The following LTN1 variants were observed in gnomAD, a reference collection of about 807,000 sequenced individuals.
LTN1 encodes listerin E3 ubiquitin protein ligase 1.
LTN1 carries 88 observed loss-of-function variants against 201.2 expected under a neutral mutation model. The observed-to-expected ratio is 0.44, with a 90% CI of 0.37 to 0.52. The LOEUF is 0.52. Ranked by LOEUF, LTN1 falls within the 20% of genes least tolerant of loss-of-function variation. LTN1 has a pLI of 0.00. For missense variants in LTN1, 1,752 were observed against 2,038.7 expected (o/e 0.86, Z 2.71); for synonymous variants, 645 against 713.5 (o/e 0.90, Z 1.53).
chr21:28,937,834 C>T (rs2084268063), intron 25 of LTN1, among the ~76,000 whole-genome samples: 1 of 152,084 alleles, frequency 6.6e-6, no homozygotes, highest in Admixed American at 6.5e-5. Context: ...ATCAGAAACA[C>T]TACTGGTCCC....
intron 4 of LTN1, among the ~76,000 whole-genome samples, chr21:28,984,099 A>T (rs2084678728): frequency 6.6e-6 from 1 of 152,210 alleles, no homozygotes; most frequent in African/African-American, 2.4e-5. Flanking sequence ...CATTATAAAA[A>T]ATTTTAATGT....
rs538029865 is a variant in LTN1, at chr21:28,992,797, C to T, written c.9G>A (p.Gly3=). Residue 3 remains glycine (G), a synonymous_variant, in exon 1 of 30, where the codon GGG becomes GGA. Coordinates refer to ENST00000361371, the MANE Select transcript of LTN1 (RefSeq NM_015565.3). MG[G]KNKQRTKGNL... is the part of the protein sequence containing the mutation. ...TCCCTTTAGTTCGCTGCTTGTTCTT[C>T]CCGCCCATGGTCGCGGTTGCAGCTG... The T allele has an allele frequency of 1.2e-6, 2 of 1,614,274 alleles. No individual in the cohort carries two copies. Among genetic ancestry groups the T allele is most frequent in the Middle Eastern group, 1.6e-4 (1 of 6,062 alleles).
At chr21:28,941,069 C>T in intron 25 of LTN1, 151 bp downstream of exon 25, 1 of 597,558 alleles carries the variant, frequency 1.7e-6, no homozygotes, top group South Asian at 2.3e-5. Context: ...AGAGTGAGAC[C>T]CTGTCTCAAA....
intron 26 of LTN1, 34 bp downstream of exon 26, chr21:28,936,492 T>C (rs1444267834): frequency 6.5e-7 from 1 of 1,548,026 alleles, no homozygotes; most frequent in Non-Finnish European, 8.8e-7. Flanking sequence ...GAATCTAGTG[T>C]CCAAGAAAGA....
intron 24 of LTN1, 135 bp from the exon 25 acceptor site, chr21:28,941,541 T>C (rs1396673670): frequency 4.7e-6 from 3 of 631,650 alleles, no homozygotes; most frequent in South Asian, 2.2e-5. Context: ...TTCCCCTCTA[T>C]TGAGCCAATT....
chr21:28,947,889 T>TA (rs1277318584), intron 18 of LTN1, among the ~76,000 whole-genome samples: 1 of 123,026 alleles, frequency 8.1e-6, no homozygotes, highest in Non-Finnish European at 1.9e-5. Flanking sequence ...ATGTCCTCTT[T>TA]TAAAAAAAAA....
chr21:28,954,645 T>G (rs1443787989), intron 16 of LTN1, among the ~76,000 whole-genome samples: 1 of 152,162 alleles, frequency 6.6e-6, no homozygotes, highest in African/African-American at 2.4e-5. Flanking sequence ...TGCAGGCAAT[T>G]GACAAAGTCT....
chr21:28,958,642 C>T (rs2084447354), intron 13 of LTN1, 103 bp from the exon 14 acceptor site: 1 of 844,034 alleles, frequency 1.2e-6, no homozygotes, highest in South Asian at 2.1e-5. Context: ...TTTTTAAATA[C>T]CATTTAAAAA....
chr21:28,952,602 A>G (rs889924247), intron 17 of LTN1, among the ~76,000 whole-genome samples: 1 of 152,228 alleles, frequency 6.6e-6, no homozygotes, highest in Non-Finnish European at 1.5e-5. Context: ...ACACCTAGGC[A>G]GGCTTAAGTT....
intron 26 of LTN1, among the ~76,000 whole-genome samples, chr21:28,936,251 T>C (rs1242801208): frequency 6.6e-6 from 1 of 152,262 alleles, no homozygotes; most frequent in Non-Finnish European, 1.5e-5. Context: ...TATATGCCTA[T>C]AAAATGTTAT....
rs150491470 is a variant in LTN1 at position 28,951,751 on chromosome 21, T to C, written c.3344+409A>G. 6.0e-4 allele frequency among the ~76,000 whole-genome samples: 92 copies of C among 152,236 alleles called. No homozygotes were observed. The East Asian group carries it at 0.017, about 28-fold the overall frequency. ...CTTTGGGAGGCTGAGGCAGCAGGAC[T>C]GCTTGAGCCCAGGAATTCAAGACCA... On this transcript the variant is annotated intron_variant, in intron 18 of 29. Transcript: ENST00000361371.
In LTN1 at chr21:28,981,246, G is replaced by A. The variant is rs765548136; in HGVS notation, c.683C>T (p.Ser228Phe). 1 of 1,592,326 alleles carries A rather than the reference G, an allele frequency of 6.3e-7. No individual in the cohort carries two copies. The highest frequency in any genetic ancestry group is 1.8e-5 in the Admixed American group (1 of 54,266). The change falls in exon 6 of 30, where the codon TCC becomes TTC. Residue 228 changes from serine to phenylalanine, a missense_variant. Physicochemically the swap from Ser to Phe is radical, Grantham distance 155 (BLOSUM62 -2). Around this residue, in one of 3 missense-constraint regions of LTN1, gnomAD observed 280 missense variants for 375.7 expected, o/e 0.75. Coordinates refer to ENST00000361371, the MANE Select transcript of LTN1 (RefSeq NM_015565.3). ...AAGTAATCTCTTTAATGCCAATAAG[G>A]AACAAGTTACAACCCGGTAGAATTT... ...EAKFYRVVTC[S>F]LLALKRLLCL...
At chr21:28,972,692 G>A (rs974621731) in intron 6 of LTN1, among the ~76,000 whole-genome samples, 1 of 152,134 alleles carries the variant, frequency 6.6e-6, no homozygotes, top group Admixed American at 6.5e-5. Context: ...GATAAAGTGA[G>A]GCTTAATATC....
intron 9 of LTN1, 41 bp downstream of exon 9, chr21:28,969,425 T>C (rs1410449989): frequency 1.3e-6 from 2 of 1,546,006 alleles, no homozygotes; most frequent in East Asian, 2.3e-5. Context: ...TCCTACATAA[T>C]CAGTATGCAA....
In LTN1 at chr21:28,959,636, G is replaced by A. The variant is rs1035111361; in HGVS notation, c.2415C>T (p.Phe805=). Residue 805 remains phenylalanine, a synonymous_variant, in exon 13 of 30, where the codon TTC becomes TTT. Coordinates refer to ENST00000361371, the MANE Select transcript of LTN1 (RefSeq NM_015565.3). ...CAGCTTCTGATAATTTCTTTGTTTT[G>A]AATAAAGTTTCATGAAGTCTAACAA... ...RIIVRLHETL[F]KTKKLSEAES... The A allele has an allele frequency of 2.5e-6, 4 of 1,613,522 alleles. No homozygotes were observed. The highest frequency in any genetic ancestry group is 3.4e-6 in the Non-Finnish European group (4 of 1,179,652).
rs2084346349 is a variant in LTN1, at chr21:28,947,416, C to A, written c.3487+48G>T. 6 of 1,418,548 alleles carry A rather than the reference C, an allele frequency of 4.2e-6. No homozygotes were observed. In the South Asian group the frequency reaches 8.5e-5, roughly 20 times the overall value. The allele number at this position is 1,418,548 out of a possible 1,614,324, so 87.9% of individuals were successfully genotyped here. A position where few individuals can be genotyped will look rare whatever the true frequency, so the allele number is the denominator to read the frequency against. On this transcript the variant is annotated intron_variant, in intron 19 of 29. Coordinates refer to ENST00000361371, the MANE Select transcript of LTN1 (RefSeq NM_015565.3). Reference sequence around the variant, plus strand: ...TTATATATTAGAAACAGTTCTTCATCTCAAGCAATAATTAAATTAATGAAA... The same window carrying A: ...TTATATATTAGAAACAGTTCTTCATATCAAGCAATAATTAAATTAATGAAA...
intron 4 of LTN1, 67 bp from the exon 5 acceptor site, chr21:28,982,435 T>C (rs1023640340): frequency 1.5e-5 from 18 of 1,170,768 alleles, no homozygotes; most frequent in Non-Finnish European, 2.1e-5. Flanking sequence ...AGACAGAGCC[T>C]AGTTAAATAA....
chr21:28,963,044 G>A (rs562905952), intron 11 of LTN1, among the ~76,000 whole-genome samples: 2 of 152,180 alleles, frequency 1.3e-5, no homozygotes, highest in Non-Finnish European at 2.9e-5. Flanking sequence ...GCAAAGGGTG[G>A]TTCATGAGGT....
At chr21:28,936,235 CT>C (rs2084255830) in intron 26 of LTN1, among the ~76,000 whole-genome samples, 1 of 151,850 alleles carries the variant, frequency 6.6e-6, no homozygotes, top group Non-Finnish European at 1.5e-5. Flanking sequence ...TTTATTTCCC[CT>C]GATTTATATG....
Sources: gnomAD v4.1 joint callset for allele counts (sites outside exome capture counted in the v4.1 genomes callset) on GRCh38, gnomAD v4.1.1 for gene constraint, gnomAD v4.1.1 regional missense constraint, MANE v1.5 for transcripts, NCBI Gene and HGNC (gene_info 2026-07-23, HGNC 2026-07-21) for gene names.